SCN8A: variants seen among roughly 807,000 people sequenced by gnomAD.
SCN8A encodes the protein sodium voltage-gated channel alpha subunit 8, also known as sodium channel protein type 8 subunit alpha.
In SCN8A, 30 loss-of-function variants were observed where a neutral mutation model predicts 184.1. The observed-to-expected ratio is 0.16, with a 90% CI of 0.12 to 0.22. The LOEUF is 0.22. Among genes scored for constraint, SCN8A ranks in the 10% least tolerant of loss-of-function variants. The pLI is 1.00. For missense variants in SCN8A, 1,057 were observed against 2,498.9 expected (o/e 0.42, Z 12.30); for synonymous variants, 852 against 907.0 (o/e 0.94, Z 1.09).
At chr12:51,764,603 C>G (rs1016850445) in intron 15 of SCN8A, among the ~76,000 whole-genome samples, 31 of 151,930 alleles carry the variant, frequency 2.0e-4, no homozygotes, top group African/African-American at 7.5e-4. Context: ...TTGCTGCACA[C>G]CAGCCTGGGC....
At chr12:51,685,008 C>T (rs923623712) in intron 3 of SCN8A, among the ~76,000 whole-genome samples, 4 of 152,050 alleles carry the variant, frequency 2.6e-5, no homozygotes, top group African/African-American at 4.8e-5. Flanking sequence ...TCCCATGCTT[C>T]GAAGATTACT....
At chr12:51,773,837 A>G (rs1392852714) in intron 19 of SCN8A, among the ~76,000 whole-genome samples, 1 of 150,362 alleles carries the variant, frequency 6.7e-6, no homozygotes, top group Non-Finnish European at 1.5e-5. Flanking sequence ...GAGAGAAAGT[A>G]GGTGAGTGGC....
At chr12:51,665,179 A>G (rs768684102) in intron 2 of SCN8A, among the ~76,000 whole-genome samples, 67 of 152,314 alleles carry the variant, frequency 4.4e-4, no homozygotes, top group Non-Finnish European at 7.2e-4. Context: ...TTCCTGCTCT[A>G]TAGACAGCCT....
chr12:51,757,834 T>C (rs1043890701), intron 14 of SCN8A, among the ~76,000 whole-genome samples: 1 of 152,244 alleles, frequency 6.6e-6, no homozygotes, highest in South Asian at 2.1e-4. Flanking sequence ...ATGATGACTG[T>C]GAATTCAGAG....
rs771227940 is a variant in SCN8A at position 51,701,140 on chromosome 12, C to G, written c.929-4C>G. On this transcript the variant is annotated splice_polypyrimidine_tract_variant and splice_region_variant and intron_variant, in intron 7 of 26. Coordinates refer to ENST00000627620, the MANE Select transcript of SCN8A (RefSeq NM_001330260.2). ...TCATTTCCTGCCTCTTCAAACTTTT[C>G]TAGCAAATTTCTACACAGTTCCTGG... The G allele has an allele frequency of 4.0e-5, 64 of 1,611,852 alleles. No homozygotes were observed. The highest frequency in any genetic ancestry group is 5.3e-5 in the Non-Finnish European group (63 of 1,178,360).
Position 51,794,587 on chromosome 12 carries a change from T to C in SCN8A, c.4741T>C (p.Phe1581Leu). ...AATGTTTGCGTTGAGGCACTACTACTTCACCATTGGCTGGAACATCTTCGA... is the reference window on the plus strand; with the variant it reads ...AATGTTTGCGTTGAGGCACTACTACCTCACCATTGGCTGGAACATCTTCGA... ...LKMFALRHYY[F>L]TIGWNIFDFV... The change falls in exon 26 of 27, where the codon TTC becomes CTC. Residue 1581 changes from phenylalanine to leucine, a missense_variant. Phe to Leu is a conservative substitution (Grantham distance 22). Around this residue, in one of 19 missense-constraint regions of SCN8A, gnomAD observed 34 missense variants for 64.0 expected, o/e 0.53. Coordinates refer to ENST00000627620, the MANE Select transcript of SCN8A (RefSeq NM_001330260.2). 1 of 1,614,012 alleles carries C rather than the reference T, an allele frequency of 6.2e-7. No individual in the cohort carries two copies. The highest frequency in any genetic ancestry group is 8.5e-7 in the Non-Finnish European group (1 of 1,179,910).
chr12:51,758,681 A>G (rs141994702), intron 14 of SCN8A, among the ~76,000 whole-genome samples: 1,839 of 152,144 alleles, frequency 0.012, 36 homozygotes, highest in African/African-American at 0.04. Flanking sequence ...CAAGTGATCC[A>G]CCCACCTGGG....
chr12:51,807,950 A>C lies in SCN8A; in HGVS notation c.*521A>C, dbSNP rs897176648. On this transcript the variant is annotated 3_prime_UTR_variant, in exon 27 of 27. Transcript: ENST00000627620. The surrounding 1 kb of genome is among the most constrained non-coding windows in gnomAD (Gnocchi z 4.5). ...TGTCAGTTTCTTTGACATAAAGCGC[A>C]TCTTCTCCACATGGGCTTCACGTGG... The C allele has an allele frequency of 5.9e-6, 1 of 168,702 alleles. No homozygotes were observed. The highest frequency in any genetic ancestry group is 2.4e-5 in the African/African-American group (1 of 41,560). The allele number at this position is 168,702 out of a possible 1,614,324, so 10.5% of individuals were successfully genotyped here.
In SCN8A at chr12:51,633,827, ATC is replaced by A. The variant is rs553677751; in HGVS notation, c.-54-28933_-54-28932del. Among the ~76,000 whole-genome samples the A allele has an allele frequency of 2.1e-3, 319 of 152,362 alleles. 2 individuals are homozygous for A. Among genetic ancestry groups the A allele is most frequent in the African/African-American group, 6.9e-3 (287 of 41,574 alleles). The stretch of plus-strand genomic sequence containing the variant: ...AGGGAAGAGATACTTTGGTGAAAAT[ATC>A]TCTGTATAATTGTATTTAAGAACTA... On this transcript the variant is annotated intron_variant, in intron 1 of 26. Transcript: ENST00000627620.
At chr12:51,780,588 T>TGGTTACC in intron 20 of SCN8A, 61 bp from the exon 21 acceptor site, 4 of 322,236 alleles carry the variant, frequency 1.2e-5, no homozygotes, top group South Asian at 3.8e-5. Context: ...TTTTTTTTTT[T>TGGTTACC]TTTTTTTTTT....
At chr12:51,753,174 G>A (rs574660609) in intron 14 of SCN8A, among the ~76,000 whole-genome samples, 31 of 152,280 alleles carry the variant, frequency 2.0e-4, no homozygotes, top group South Asian at 2.1e-4. Context: ...AAGGTCAACA[G>A]CTAATATTCA....
At chr12:51,776,782 C>G (rs1310859514) in intron 20 of SCN8A, among the ~76,000 whole-genome samples, 1 of 152,208 alleles carries the variant, frequency 6.6e-6, no homozygotes, top group Non-Finnish European at 1.5e-5. Context: ...AAGGTTAGGT[C>G]CTAACTTAGC....
intron 1 of SCN8A, among the ~76,000 whole-genome samples, chr12:51,612,919 C>T (rs558235175): frequency 1.2e-4 from 18 of 152,200 alleles, no homozygotes; most frequent in African/African-American, 4.3e-4. Flanking sequence ...GATGGGGTTT[C>T]ACCATATTGG....
At chr12:51,718,830 A>G (rs1942006059) in intron 11 of SCN8A, among the ~76,000 whole-genome samples, 1 of 152,062 alleles carries the variant, frequency 6.6e-6, no homozygotes. Flanking sequence ...AGAGTAACTC[A>G]TGTGAGAATA....
At chr12:51,619,736 T>G (rs1384018251) in intron 1 of SCN8A, among the ~76,000 whole-genome samples, 1 of 152,178 alleles carries the variant, frequency 6.6e-6, no homozygotes, top group Non-Finnish European at 1.5e-5. Flanking sequence ...CAACAAGCTG[T>G]GAAAAGAATA....
intron 1 of SCN8A, among the ~76,000 whole-genome samples, chr12:51,643,860 A>C (rs1287716413): frequency 6.6e-6 from 1 of 152,224 alleles, no homozygotes; most frequent in Non-Finnish European, 1.5e-5. Context: ...AGGAGAGTGT[A>C]TCCTGATACC....
chr12:51,645,635 G>A (rs1940567081), intron 1 of SCN8A, among the ~76,000 whole-genome samples: 1 of 152,192 alleles, frequency 6.6e-6, no homozygotes, highest in South Asian at 2.1e-4. Context: ...TTGGGATCCT[G>A]TTGATCGGTG....
chr12:51,595,073 T>G (rs1273017375), intron 1 of SCN8A, among the ~76,000 whole-genome samples: 1 of 152,212 alleles, frequency 6.6e-6, no homozygotes, highest in Admixed American at 6.5e-5. Flanking sequence ...AAACCTTTTC[T>G]TAATCAATGA....
At chr12:51,751,287 G>A in intron 13 of SCN8A, 68 bp from the exon 14 acceptor site, 1 of 984,082 alleles carries the variant, frequency 1.0e-6, no homozygotes, top group Non-Finnish European at 1.6e-6. Flanking sequence ...ATGACTGAGA[G>A]TGAGTAGTGT....
Sources: allele counts gnomAD v4.1 joint callset (sites outside exome capture counted in the v4.1 genomes callset), GRCh38; gene constraint gnomAD v4.1.1; regional missense constraint gnomAD v4.1.1; non-coding constraint Gnocchi (gnomAD v3.1); transcripts MANE v1.5; gene names NCBI Gene and HGNC (gene_info 2026-07-23, HGNC 2026-07-21).